Variants in EXOC2 observed in about 807,000 individuals in gnomAD.
EXOC2 encodes the protein exocyst complex component 2, also known as SEC5-like 1.
A neutral mutation model predicts 131.8 loss-of-function variants in EXOC2; 70 were observed. The observed-to-expected ratio is 0.53, with a 90% CI of 0.44 to 0.65. The LOEUF is 0.65. Among genes scored for constraint, EXOC2 ranks in the 30% least tolerant of loss-of-function variants. EXOC2 has a pLI of 0.00. For synonymous variants in EXOC2, 411 were observed against 398.4 expected (o/e 1.03, Z -0.38); for missense variants, 923 against 1,108.6 (o/e 0.83, Z 2.38).
chr6:527,294 T>C (rs1278806237), intron 23 of EXOC2, among the ~76,000 whole-genome samples: 1 of 152,232 alleles, frequency 6.6e-6, no homozygotes, highest in Non-Finnish European at 1.5e-5. Flanking sequence ...GACCTGAGCT[T>C]TGAATGATTT....
chr6:677,659 G>C (rs1764205599), intron 1 of EXOC2, among the ~76,000 whole-genome samples: 3 of 152,078 alleles, frequency 2.0e-5, no homozygotes, highest in Admixed American at 6.6e-5. Flanking sequence ...AGTAGAGATG[G>C]GGTTTCACCA....
At chr6:544,203 G>A (rs866807243) in intron 22 of EXOC2, among the ~76,000 whole-genome samples, 6 of 152,218 alleles carry the variant, frequency 3.9e-5, no homozygotes, top group South Asian at 2.1e-4. Context: ...CCTTTCCTCC[G>A]CTCTCTGAAA....
intron 23 of EXOC2, among the ~76,000 whole-genome samples, chr6:522,612 A>G (rs1377260581): frequency 6.8e-6 from 1 of 147,500 alleles, no homozygotes; most frequent in Non-Finnish European, 1.5e-5. Context: ...GGCTGGGCTC[A>G]GGTGAAATGA....
intron 17 of EXOC2, 39 bp downstream of exon 17, chr6:562,745 C>T: frequency 3.6e-6 from 5 of 1,374,576 alleles, no homozygotes; most frequent in Non-Finnish European, 5.0e-6. Flanking sequence ...ATTTTAAATA[C>T]ACACTAATGA....
At chr6:604,017 G>A (rs536163632) in intron 7 of EXOC2, among the ~76,000 whole-genome samples, 1 of 152,332 alleles carries the variant, frequency 6.6e-6, no homozygotes, top group Non-Finnish European at 1.5e-5. Flanking sequence ...CCTGCACATG[G>A]TTATGTCGCT....
intron 1 of EXOC2, among the ~76,000 whole-genome samples, chr6:667,178 T>C (rs1763663649): frequency 1.1e-5 from 1 of 91,376 alleles, no homozygotes; most frequent in Admixed American, 1.3e-4. Flanking sequence ...GCTCCTCCTT[T>C]CTTCATGTAG....
At chr6:569,866 T>C (rs912548899) in intron 13 of EXOC2, among the ~76,000 whole-genome samples, 2 of 152,262 alleles carry the variant, frequency 1.3e-5, no homozygotes, top group Non-Finnish European at 2.9e-5. Flanking sequence ...AGTTCTGAAG[T>C]AGATGATTTA....
In EXOC2 at chr6:637,754, G is replaced by A. The variant is rs755662078; in HGVS notation, c.65C>T (p.Thr22Met). 2.2e-5 allele frequency: 36 copies of A among 1,613,732 alleles called. No individual in the cohort carries two copies. The highest frequency in any genetic ancestry group is 3.0e-5 in the Non-Finnish European group (35 of 1,179,938). Reference sequence around the variant, plus strand: ...ATTTTCTCCCCTGATTGTGACCTTCGTCCATGGTATCCCTTCATTTGGAGA... The same window carrying A: ...ATTTTCTCCCCTGATTGTGACCTTCATCCATGGTATCCCTTCATTTGGAGA... ...GISPNEGIPW[T>M]KVTIRGENLG... Residue 22 changes from threonine to methionine, a missense_variant, in exon 2 of 28, where the codon ACG becomes ATG. Transcript: ENST00000230449.
intron 23 of EXOC2, among the ~76,000 whole-genome samples, chr6:504,315 CCGTGTGCATCCGTTATGG>C (rs1764401120): frequency 6.6e-6 from 1 of 152,216 alleles, no homozygotes; most frequent in South Asian, 2.1e-4. Context: ...GAGAGGGGCT[CCGTGTGCATCCGTTATGG>C]AAGCGGCTGA....
At chr6:589,685 C>A (rs181740180) in intron 11 of EXOC2, among the ~76,000 whole-genome samples, 325 of 152,354 alleles carry the variant, frequency 2.1e-3, no homozygotes, top group Non-Finnish European at 3.5e-3. Context: ...CAGCCAGCAC[C>A]CTGGTGACCA....
Position 613,434 on chromosome 6 carries a change from G to C in EXOC2, c.662-3256C>G, listed in dbSNP as rs1413729991. 4.6e-5 allele frequency among the ~76,000 whole-genome samples: 7 copies of C among 151,938 alleles called. No homozygotes were observed. In the East Asian group the frequency reaches 1.4e-3, roughly 29 times the overall value. On this transcript the variant is annotated intron_variant, in intron 6 of 27. Coordinates refer to ENST00000230449, the MANE Select transcript of EXOC2 (RefSeq NM_018303.6). ...CTGGATGGAACTGAAGAATGCAGAT[G>C]ATGTAAAAAAAAGAAAGAAAGAAAG...
chr6:624,327 G>A (rs1270982663), intron 4 of EXOC2, among the ~76,000 whole-genome samples: 1 of 152,124 alleles, frequency 6.6e-6, no homozygotes, highest in African/African-American at 2.4e-5. Context: ...CAATCCACCT[G>A]TATAATCTCG....
intron 18 of EXOC2, 58 bp from the exon 19 acceptor site, chr6:556,071 T>C: frequency 6.6e-7 from 1 of 1,509,674 alleles, no homozygotes; most frequent in Middle Eastern, 1.7e-4. Context: ...GGTTTTTGTA[T>C]ATGAAGTTAG....
chr6:530,826 G>A (rs536640813), intron 23 of EXOC2, among the ~76,000 whole-genome samples: 1 of 152,316 alleles, frequency 6.6e-6, no homozygotes, highest in African/African-American at 2.4e-5. Context: ...TCCGGGGTGG[G>A]GGACCCAGAT....
At chr6:604,559 C>T (rs1440778935) in intron 7 of EXOC2, among the ~76,000 whole-genome samples, 1 of 152,162 alleles carries the variant, frequency 6.6e-6, no homozygotes, top group Non-Finnish European at 1.5e-5. Context: ...CACTATTTGT[C>T]TTCAGAATAA....
intron 1 of EXOC2, chr6:679,181 A>T (rs1764286521): frequency 6.6e-6 from 1 of 152,186 alleles, no homozygotes; most frequent in Non-Finnish European, 1.5e-5. Flanking sequence ...GAAATTTGAA[A>T]GCCAAACAGG....
At chr6:629,755 T>C (rs1761750134) in intron 4 of EXOC2, 80 bp downstream of exon 4, 3 of 1,532,936 alleles carry the variant, frequency 2.0e-6, no homozygotes, top group Admixed American at 3.8e-5. Context: ...GTTTCTGGAG[T>C]TTGAGTCCCT....
At chr6:513,028 C>T (rs1764938880) in intron 23 of EXOC2, among the ~76,000 whole-genome samples, 2 of 152,198 alleles carry the variant, frequency 1.3e-5, no homozygotes, top group Admixed American at 6.5e-5. Context: ...TTAAACCCCA[C>T]AAAATAGGCC....
chr6:691,247 C>T (rs898810089), intron 1 of EXOC2, among the ~76,000 whole-genome samples: 7 of 152,202 alleles, frequency 4.6e-5, no homozygotes, highest in Non-Finnish European at 1.0e-4. Flanking sequence ...AAGTTAATAA[C>T]CATCTTTTAG....
Sources: gnomAD v4.1 joint callset for allele counts (sites outside exome capture counted in the v4.1 genomes callset) on GRCh38, gnomAD v4.1.1 for gene constraint, MANE v1.5 for transcripts, NCBI Gene and HGNC (gene_info 2026-07-23, HGNC 2026-07-21) for gene names.